The following ESR1 variants were observed in gnomAD, a reference collection of about 807,000 sequenced individuals.
ESR1 encodes the protein estrogen receptor.
A neutral mutation model predicts 52.7 loss-of-function variants in ESR1; 12 were observed. The ratio of observed to expected loss-of-function variants is 0.23; its 90% CI spans 0.15 to 0.37. The LOEUF (loss-of-function observed/expected upper bound fraction) is 0.37. Ranked by LOEUF, ESR1 falls within the 10% of genes least tolerant of loss-of-function variation. ESR1 has a pLI of 1.00. For missense variants in ESR1, 584 were observed against 779.7 expected, an observed-to-expected ratio of 0.75 and a Z score of 2.99; for synonymous variants, 305 against 316.8, an observed-to-expected ratio of 0.96 and a Z score of 0.39.
chr6:151,887,168 T>C (rs1268860982), intron 3 of ESR1, among the ~76,000 whole-genome samples: 1 of 152,124 alleles, frequency 6.6e-6, no homozygotes, highest in African/African-American at 2.4e-5. Flanking sequence ...GATTTGTAGC[T>C]GCATGTGAAT....
chr6:151,742,843 GA>G (rs1259518571), intron 2 of ESR1, among the ~76,000 whole-genome samples: 1 of 152,184 alleles, frequency 6.6e-6, no homozygotes, highest in East Asian at 1.9e-4. Flanking sequence ...ATGAATTAAT[GA>G]ATGGGCTAGA....
upstream of ESR1, chr6:151,807,407 A>G (rs969934015): frequency 8.7e-5 from 17 of 195,564 alleles, no homozygotes; most frequent in African/African-American, 3.5e-4. Flanking sequence ...TTTCGCGTTT[A>G]TTTTAAGCCC....
At chr6:151,832,108 T>C (rs1233171966) in intron 1 of ESR1, among the ~76,000 whole-genome samples, 1 of 152,216 alleles carries the variant, frequency 6.6e-6, no homozygotes, top group African/African-American at 2.4e-5. Context: ...ACTAAATAGA[T>C]AATATGAGAT....
intron 3 of ESR1, among the ~76,000 whole-genome samples, chr6:151,885,835 A>G (rs911088638): frequency 2.0e-5 from 3 of 152,256 alleles, no homozygotes; most frequent in African/African-American, 7.2e-5. Context: ...AGCCTGGGCA[A>G]CAGAGTGAGA....
intron 2 of ESR1, among the ~76,000 whole-genome samples, chr6:151,723,414 T>C (rs768409859): frequency 1.1e-4 from 17 of 152,192 alleles, no homozygotes; most frequent in Admixed American, 3.9e-4. Context: ...GCAGAAGGGG[T>C]TAGGGGATTT....
intron 2 of ESR1, among the ~76,000 whole-genome samples, chr6:151,861,011 T>C (rs190942262): frequency 2.6e-5 from 4 of 152,320 alleles, no homozygotes; most frequent in African/African-American, 9.6e-5. Flanking sequence ...TTGCCCTTTT[T>C]TGTGTTTTTA....
intron 4 of ESR1, among the ~76,000 whole-genome samples, chr6:152,010,910 T>A (rs74890621): frequency 8.7e-6 from 1 of 115,330 alleles, no homozygotes; most frequent in African/African-American, 3.3e-5. Context: ...CCTCCTCCTC[T>A]TCTTCTTCCT....
chr6:151,825,771 G>A (rs188891843), intron 1 of ESR1, among the ~76,000 whole-genome samples: 2 of 152,140 alleles, frequency 1.3e-5, no homozygotes, highest in Non-Finnish European at 2.9e-5. Context: ...AATTAGCCAA[G>A]TGTGGTGACA....
intron 5 of ESR1, among the ~76,000 whole-genome samples, chr6:152,040,335 T>C (rs1584957128): frequency 6.6e-6 from 1 of 152,138 alleles, no homozygotes; most frequent in Non-Finnish European, 1.5e-5. Context: ...GGCTGAGTGG[T>C]ATCCACAGAA....
chr6:151,803,512 A>G (rs1046178008), upstream of ESR1, among the ~76,000 whole-genome samples: 7 of 152,184 alleles, frequency 4.6e-5, no homozygotes, highest in Non-Finnish European at 1.0e-4. Context: ...CGTTATGGGC[A>G]GAGAGGAAGC....
intron 1 of ESR1, among the ~76,000 whole-genome samples, chr6:151,700,274 A>G (rs1218221899): frequency 6.6e-6 from 1 of 152,074 alleles, no homozygotes; most frequent in African/African-American, 2.4e-5. Flanking sequence ...GTCTTTTTTT[A>G]TAGTTTAGTT....
At chr6:151,869,223 A>C (rs543557988) in intron 2 of ESR1, among the ~76,000 whole-genome samples, 1 of 152,314 alleles carries the variant, frequency 6.6e-6, no homozygotes, top group Non-Finnish European at 1.5e-5. Context: ...TTAGATTTCA[A>C]ATGAGTACAA....
intron 5 of ESR1, among the ~76,000 whole-genome samples, chr6:152,038,867 G>A (rs1008073997): frequency 1.1e-4 from 17 of 152,180 alleles, no homozygotes; most frequent in Non-Finnish European, 2.2e-4. Context: ...CTGACCTCGT[G>A]ATCCACCCAC....
chr6:151,773,012 G>A (rs941195811), intron 2 of ESR1, among the ~76,000 whole-genome samples: 6 of 152,130 alleles, frequency 3.9e-5, no homozygotes, highest in African/African-American at 1.2e-4. Flanking sequence ...GATATGTTGA[G>A]GTCTTAAACC....
intron 3 of ESR1, among the ~76,000 whole-genome samples, chr6:151,918,195 T>C (rs1297848938): frequency 6.6e-6 from 1 of 152,188 alleles, no homozygotes; most frequent in Non-Finnish European, 1.5e-5. Flanking sequence ...CCTTCCCTCA[T>C]TGCTGAGTTT....
chr6:152,068,698 T>A (rs1208294141), intron 6 of ESR1, among the ~76,000 whole-genome samples: 1 of 152,216 alleles, frequency 6.6e-6, no homozygotes, highest in African/African-American at 2.4e-5. Context: ...TGAGAATCCA[T>A]CTTTAATTCT....
intron 1 of ESR1, among the ~76,000 whole-genome samples, chr6:151,682,948 A>G (rs1381144024): frequency 6.6e-6 from 1 of 152,240 alleles, no homozygotes; most frequent in Admixed American, 6.5e-5. Context: ...AGTTGTGAGG[A>G]AAATGATGTT....
chr6:152,115,899 C>A (rs1456746476), intron 6 of ESR1, among the ~76,000 whole-genome samples: 1 of 152,120 alleles, frequency 6.6e-6, no homozygotes, highest in Non-Finnish European at 1.5e-5. Flanking sequence ...ACCTGGGAAT[C>A]GCCTGGGGAC....
chr6:152,023,547 C>CTATATTA (rs2043866134), intron 5 of ESR1, among the ~76,000 whole-genome samples: 1 of 152,068 alleles, frequency 6.6e-6, no homozygotes, highest in African/African-American at 2.4e-5. Flanking sequence ...CATTCTCATA[C>CTATATTA]CAAATAAACT....
Sources: gnomAD v4.1 joint callset for allele counts (sites outside exome capture counted in the v4.1 genomes callset) on GRCh38, gnomAD v4.1.1 for gene constraint, MANE v1.5 for transcripts, NCBI Gene and HGNC (gene_info 2026-07-23, HGNC 2026-07-21) for gene names.